SH3RF3: variants seen among roughly 807,000 people sequenced by gnomAD.
The protein encoded by SH3RF3 is E3 ubiquitin-protein ligase SH3RF3.
Under a neutral mutation model 66.3 loss-of-function variants are expected in SH3RF3, and 29 were observed. The observed-to-expected ratio is 0.44, with a 90% CI of 0.33 to 0.60. The LOEUF is 0.60. SH3RF3 is among the 20% of genes least tolerant of loss of function. SH3RF3 has a pLI of 0.04. For synonymous variants in SH3RF3, 583 were observed against 532.0 expected (o/e 1.10, Z -1.32); for missense variants, 1,194 against 1,190.9 (o/e 1.00, Z -0.04).
intron 1 of SH3RF3, among the ~76,000 whole-genome samples, chr2:109,136,669 A>G (rs1676821627): frequency 6.6e-6 from 1 of 152,220 alleles, no homozygotes; most frequent in African/African-American, 2.4e-5. Flanking sequence ...CTTGGGTAGC[A>G]CGTGTTTACA....
chr2:109,434,592 C>G (rs1677347748), intron 6 of SH3RF3, among the ~76,000 whole-genome samples: 1 of 152,212 alleles, frequency 6.6e-6, no homozygotes, highest in Admixed American at 6.5e-5. Context: ...AGTTAAATCC[C>G]TGAATATCCT....
At chr2:109,148,241 G>C (rs891228872) in intron 1 of SH3RF3, among the ~76,000 whole-genome samples, 7 of 152,206 alleles carry the variant, frequency 4.6e-5, no homozygotes, top group Non-Finnish European at 7.3e-5. Context: ...TGCAGTATCT[G>C]TTTTCTCTTG....
At chr2:109,392,249 G>C (rs2104416321) in intron 3 of SH3RF3, among the ~76,000 whole-genome samples, 1 of 152,268 alleles carries the variant, frequency 6.6e-6, no homozygotes, top group South Asian at 2.1e-4. Context: ...AAGAGGGGAA[G>C]GGCCTCCTCG....
chr2:109,389,581 T>C (rs555495887), intron 3 of SH3RF3, among the ~76,000 whole-genome samples: 201 of 152,310 alleles, frequency 1.3e-3, no homozygotes, highest in Admixed American at 3.3e-3. Flanking sequence ...AAGCCAGAGA[T>C]CTCCAAGGTA....
intron 8 of SH3RF3, among the ~76,000 whole-genome samples, chr2:109,484,159 T>C (rs1002306205): frequency 6.6e-6 from 1 of 151,772 alleles, no homozygotes; most frequent in African/African-American, 2.4e-5. Context: ...CTCTGCCTTC[T>C]GGGTTCAAGC....
intron 1 of SH3RF3, among the ~76,000 whole-genome samples, chr2:109,270,027 T>C (rs1680588209): frequency 6.6e-6 from 1 of 152,208 alleles, no homozygotes; most frequent in South Asian, 2.1e-4. Flanking sequence ...TAGATTGCGA[T>C]TGAAGCCACT....
chr2:109,294,935 C>A (rs1448889105), intron 1 of SH3RF3, among the ~76,000 whole-genome samples: 1 of 152,240 alleles, frequency 6.6e-6, no homozygotes, highest in African/African-American at 2.4e-5. Context: ...GCAGTGGAAA[C>A]AGCACTTTCC....
At chr2:109,181,508 AAC>A (rs1344327222) in intron 1 of SH3RF3, among the ~76,000 whole-genome samples, 8 of 152,186 alleles carry the variant, frequency 5.3e-5, no homozygotes, top group Non-Finnish European at 1.0e-4. Context: ...CACACTAACA[AAC>A]ACAGCAGAAA....
chr2:109,442,491 A>G (rs945769961), intron 7 of SH3RF3, among the ~76,000 whole-genome samples: 3 of 152,162 alleles, frequency 2.0e-5, no homozygotes, highest in African/African-American at 7.2e-5. Context: ...ATATCTTTAA[A>G]ATATAATTGA....
intron 3 of SH3RF3, among the ~76,000 whole-genome samples, chr2:109,385,229 A>G (rs1260360399): frequency 6.6e-6 from 1 of 152,170 alleles, no homozygotes; most frequent in African/African-American, 2.4e-5. Flanking sequence ...ACCCACCTCC[A>G]AGGGTTCTTA....
At chr2:109,387,264 T>C (rs1675846994) in intron 3 of SH3RF3, among the ~76,000 whole-genome samples, 1 of 152,242 alleles carries the variant, frequency 6.6e-6, no homozygotes, top group Non-Finnish European at 1.5e-5. Flanking sequence ...AGCTTCCAAG[T>C]GCCTCACCTG....
At chr2:109,280,665 G>C (rs1203196132) in intron 1 of SH3RF3, among the ~76,000 whole-genome samples, 1 of 152,210 alleles carries the variant, frequency 6.6e-6, no homozygotes, top group Non-Finnish European at 1.5e-5. Flanking sequence ...AGAGCATTCG[G>C]GTAATGTAAA....
Position 109,221,996 on chromosome 2 carries a change from CAG to C in SH3RF3, c.573+91884_573+91885del, listed in dbSNP as rs902685498. 1.7e-4 allele frequency among the ~76,000 whole-genome samples: 26 copies of C among 150,984 alleles called. 1 individual carries two copies. The East Asian group carries it at 1.9e-3, about 11-fold the overall frequency. On this transcript the variant is annotated intron_variant, in intron 1 of 9. Coordinates refer to ENST00000309415, the MANE Select transcript of SH3RF3 (RefSeq NM_001099289.3). ...ATGAATGGATTAAAAAAAAAAAACA[CAG>C]GGGATACTATTCAGCCTTTCAAAAG...
intron 1 of SH3RF3, chr2:109,141,598 A>G (rs556557242): frequency 1.3e-5 from 2 of 154,918 alleles, no homozygotes; most frequent in African/African-American, 4.8e-5. Context: ...ACTTTTCTCT[A>G]TCGTGAAATC....
At chr2:109,361,770 C>T (rs1683054669) in intron 2 of SH3RF3, among the ~76,000 whole-genome samples, 1 of 152,280 alleles carries the variant, frequency 6.6e-6, no homozygotes, top group South Asian at 2.1e-4. Context: ...AGATAAAGGC[C>T]TATTGAATTA....
chr2:109,185,499 A>G (rs1212379848), intron 1 of SH3RF3, among the ~76,000 whole-genome samples: 1 of 152,264 alleles, frequency 6.6e-6, no homozygotes, highest in Non-Finnish European at 1.5e-5. Context: ...GTCACAGAGC[A>G]TGTTGAAAGG....
chr2:109,491,080 C>T (rs368877458), intron 9 of SH3RF3, 144 bp downstream of exon 9: 47 of 741,464 alleles, frequency 6.3e-5, no homozygotes, highest in East Asian at 3.1e-4. Flanking sequence ...CACATGGTCC[C>T]GAGCTTGGGT....
chr2:109,381,772 G>A (rs555185585), intron 3 of SH3RF3, among the ~76,000 whole-genome samples: 1 of 152,264 alleles, frequency 6.6e-6, no homozygotes, highest in South Asian at 2.1e-4. Context: ...TCGCTTCGCA[G>A]AAGGGGAAGG....
At chr2:109,178,617 A>G (rs1385721166) in intron 1 of SH3RF3, among the ~76,000 whole-genome samples, 1 of 152,212 alleles carries the variant, frequency 6.6e-6, no homozygotes, top group Non-Finnish European at 1.5e-5. Flanking sequence ...CTGTGGTGAG[A>G]CAGCAAGGCA....
Sources: gnomAD v4.1 joint callset for allele counts (sites outside exome capture counted in the v4.1 genomes callset) on GRCh38, gnomAD v4.1.1 for gene constraint, MANE v1.5 for transcripts, NCBI Gene and HGNC (gene_info 2026-07-23, HGNC 2026-07-21) for gene names.